Variants in GLIS3 observed in about 807,000 individuals in gnomAD.
GLIS3 encodes zinc finger protein GLIS3.
A neutral mutation model predicts 78.6 loss-of-function variants in GLIS3; 53 were observed. The observed-to-expected ratio is 0.67, with a 90% CI of 0.54 to 0.85. The LOEUF (loss-of-function observed/expected upper bound fraction) is 0.85. Among genes scored for constraint, GLIS3 ranks in the 40% least tolerant of loss-of-function variants. GLIS3 has a pLI of 0.00. For synonymous variants in GLIS3, 684 were observed against 509.9 expected, an observed-to-expected ratio of 1.34 and a Z score of -4.60; for missense variants, 1,703 against 1,231.1, an observed-to-expected ratio of 1.38 and a Z score of -5.74.
chr9:3,858,481 A>T (rs10758499), intron 8 of GLIS3, among the ~76,000 whole-genome samples: 87,651 of 151,862 alleles, frequency 0.58, 26,082 homozygotes, highest in South Asian at 0.7. Flanking sequence ...TATCTCAAGG[A>T]CATGAAGGAA....
intron 4 of GLIS3, among the ~76,000 whole-genome samples, chr9:3,963,421 G>C (rs1486968850): frequency 1.3e-5 from 2 of 152,164 alleles, no homozygotes. Context: ...TGTGCCGCTT[G>C]TTCTCATAAG....
chr9:4,173,547 T>G (rs959571152), intron 2 of GLIS3, among the ~76,000 whole-genome samples: 9 of 144,912 alleles, frequency 6.2e-5, no homozygotes, highest in Non-Finnish European at 9.0e-5. Context: ...AATATGTATA[T>G]GTGTGTGTAT....
At chr9:4,359,753 G>A in the GLIS3 span, among the ~76,000 whole-genome samples, 2 of 152,022 alleles carry the variant, frequency 1.3e-5, no homozygotes, top group African/African-American at 4.8e-5. Context: ...TTAACATCAA[G>A]AATTATTGAA....
At chr9:4,129,170 C>G (rs1832781251) in intron 2 of GLIS3, among the ~76,000 whole-genome samples, 1 of 152,174 alleles carries the variant, frequency 6.6e-6, no homozygotes, top group Non-Finnish European at 1.5e-5. Flanking sequence ...ACATAATGAA[C>G]ACCTATACCT....
chr9:4,263,146 C>A (rs1440241789), intron 2 of GLIS3, among the ~76,000 whole-genome samples: 1 of 152,260 alleles, frequency 6.6e-6, no homozygotes, highest in African/African-American at 2.4e-5. Flanking sequence ...GTAACCTCTG[C>A]CCTGCCCTTT....
chr9:3,965,583 T>C (rs1371190038), intron 4 of GLIS3, among the ~76,000 whole-genome samples: 1 of 152,186 alleles, frequency 6.6e-6, no homozygotes, highest in African/African-American at 2.4e-5. Context: ...AAAGAAAAGT[T>C]GTAAAAGATT....
At chr9:4,292,730 G>C (rs574188226) in intron 1 of GLIS3, among the ~76,000 whole-genome samples, 2 of 152,108 alleles carry the variant, frequency 1.3e-5, no homozygotes, top group African/African-American at 4.8e-5. Flanking sequence ...CGAAAATTTT[G>C]GATCTTTTTC....
intron 4 of GLIS3, among the ~76,000 whole-genome samples, chr9:3,983,054 C>T (rs1304071712): frequency 3.3e-5 from 5 of 152,156 alleles, no homozygotes; most frequent in African/African-American, 9.7e-5. Context: ...TGTGTCCCCA[C>T]CCAAATCTCA....
intron 4 of GLIS3, among the ~76,000 whole-genome samples, chr9:4,008,120 T>A (rs1030031852): frequency 6.6e-6 from 1 of 152,186 alleles, no homozygotes; most frequent in Non-Finnish European, 1.5e-5. Context: ...CCTGAAATAT[T>A]TGTTGACCAT....
In GLIS3 at chr9:3,919,566, T is replaced by C. The variant is rs137944767; in HGVS notation, c.1983+12794A>G. 2.1e-3 allele frequency among the ~76,000 whole-genome samples: 318 copies of C among 150,712 alleles called. 3 individuals carry two copies. Among genetic ancestry groups the C allele is most frequent in the African/African-American group, 7.5e-3 (308 of 40,960 alleles). ...AATACCCGGGCAACAAAATAATCTG[T>C]ACAACAAACCCTCATGACACAAGTT... is the stretch of plus-strand genomic sequence containing the variant. On this transcript the variant is annotated intron_variant, in intron 6 of 10. Transcript: ENST00000381971.
At chr9:4,174,218 T>C (rs1047419103) in intron 2 of GLIS3, among the ~76,000 whole-genome samples, 4 of 152,226 alleles carry the variant, frequency 2.6e-5, no homozygotes, top group African/African-American at 9.6e-5. Flanking sequence ...TTTCTTCATA[T>C]TACAATAAGC....
chr9:3,906,385 C>T (rs924962318), intron 6 of GLIS3, among the ~76,000 whole-genome samples: 1 of 152,048 alleles, frequency 6.6e-6, no homozygotes, highest in Non-Finnish European at 1.5e-5. Context: ...CTGAATTGCT[C>T]GACCTTCAAA....
At chr9:4,466,594 A>T in the GLIS3 span, among the ~76,000 whole-genome samples, 3 of 152,234 alleles carry the variant, frequency 2.0e-5, no homozygotes, top group Non-Finnish European at 2.9e-5. Flanking sequence ...CATCATAACC[A>T]ATGGGATTTA....
intron 2 of GLIS3, among the ~76,000 whole-genome samples, chr9:4,320,155 A>G (rs868208322): frequency 2.0e-5 from 3 of 152,112 alleles, no homozygotes; most frequent in Non-Finnish European, 4.4e-5. Context: ...CAGCCACCCC[A>G]CTTTTGACAT....
At chr9:4,180,682 T>C (rs550047171) in intron 2 of GLIS3, among the ~76,000 whole-genome samples, 5 of 152,328 alleles carry the variant, frequency 3.3e-5, no homozygotes, top group South Asian at 2.1e-4. Flanking sequence ...TTCTATCTTA[T>C]ATGCAAGCCA....
intron 2 of GLIS3, among the ~76,000 whole-genome samples, chr9:4,284,298 G>A (rs1827798407): frequency 2.0e-5 from 3 of 152,192 alleles, no homozygotes; most frequent in African/African-American, 7.2e-5. Flanking sequence ...ATAAAGGCAA[G>A]TTATTAATAT....
intron 4 of GLIS3, among the ~76,000 whole-genome samples, chr9:4,035,199 T>C (rs183235723): frequency 6.6e-6 from 1 of 152,322 alleles, no homozygotes; most frequent in Admixed American, 6.5e-5. Context: ...ATCTTCACTA[T>C]AACCTTTTAT....
chr9:4,415,303 A>G, the GLIS3 span, among the ~76,000 whole-genome samples: 4 of 152,020 alleles, frequency 2.6e-5, no homozygotes, highest in African/African-American at 7.2e-5. Flanking sequence ...TTCTCTCACT[A>G]TCTCAGTCCT....
At chr9:4,144,459 G>C (rs1365724089) in intron 2 of GLIS3, among the ~76,000 whole-genome samples, 1 of 152,178 alleles carries the variant, frequency 6.6e-6, no homozygotes, top group Non-Finnish European at 1.5e-5. Flanking sequence ...TGTCATTTTT[G>C]TTTAGTCGGT....
Sources: gnomAD v4.1 joint callset for allele counts (sites outside exome capture counted in the v4.1 genomes callset) on GRCh38, gnomAD v4.1.1 for gene constraint, MANE v1.5 for transcripts, NCBI Gene and HGNC (gene_info 2026-07-23, HGNC 2026-07-21) for gene names.